The following ENTPD5 variants were observed in gnomAD, a reference collection of about 807,000 sequenced individuals.
The protein encoded by ENTPD5 is ectonucleoside triphosphate diphosphohydrolase 5 (inactive).
A neutral mutation model predicts 60.2 loss-of-function variants in ENTPD5; 49 were observed. The observed-to-expected ratio is 0.81, with a 90% confidence interval of 0.65 to 1.03. The LOEUF (loss-of-function observed/expected upper bound fraction) is 1.03, where lower values mean the gene tolerates loss of function less well. ENTPD5 is among the 50% of genes least tolerant of loss of function. The pLI is 0.00. For missense variants in ENTPD5, 480 were observed against 507.6 expected, an observed-to-expected ratio of 0.95 and a Z score of 0.52; for synonymous variants, 187 against 185.4, an observed-to-expected ratio of 1.01 and a Z score of -0.07.
At chr14:73,984,155 G>A (rs1221931169) in intron 5 of ENTPD5, among the ~76,000 whole-genome samples, 1 of 152,140 alleles carries the variant, frequency 6.6e-6, no homozygotes, top group Non-Finnish European at 1.5e-5. Flanking sequence ...AGCCTCCTGA[G>A]TAGCTGGGAT....
chr14:73,985,928 C>T (rs1049516302), intron 5 of ENTPD5, among the ~76,000 whole-genome samples: 3 of 151,660 alleles, frequency 2.0e-5, no homozygotes, highest in South Asian at 2.1e-4. Context: ...AAAAATTAGC[C>T]GGGCATGGTG....
intron 2 of ENTPD5, among the ~76,000 whole-genome samples, chr14:74,014,546 G>A (rs1387430115): frequency 6.6e-6 from 1 of 151,870 alleles, no homozygotes. Flanking sequence ...GTGAGACCCT[G>A]TCATTCATTA....
rs2056901863 is a variant in ENTPD5, at chr14:73,964,681, TG to T, written c.*2246del. ...GAAACATGGATGACATTTAGTGTTCTGTGACTGGTCTGGCACCCTACTTTTG... is the reference window on the plus strand; with the variant it reads ...GAAACATGGATGACATTTAGTGTTCTTGACTGGTCTGGCACCCTACTTTTG... On this transcript the variant is annotated 3_prime_UTR_variant, in exon 16 of 16. Transcript: ENST00000334696. 1.3e-5 allele frequency: 2 copies of T among 152,226 alleles called. No individual in the cohort carries two copies. The highest frequency in any genetic ancestry group is 4.8e-5 in the African/African-American group (2 of 41,468). 9.4% of individuals were successfully genotyped at this position (152,226 alleles called of 1,614,324 possible).
rs2286413 is a variant in ENTPD5, at chr14:73,977,706, A to G, written c.442-332T>C. Among the ~76,000 whole-genome samples, 15 of 152,314 alleles carry G rather than the reference A, an allele frequency of 9.8e-5. No individual in the cohort carries two copies. The East Asian group carries it at 2.7e-3, about 27-fold the overall frequency. The stretch of plus-strand genomic sequence containing the variant: ...ATCCTGTAACTTTTTAAACCTGATA[A>G]ACTCTACCTGGACATACACTGGAAA... On this transcript the variant is annotated intron_variant, in intron 6 of 15. Coordinates refer to ENST00000334696, the MANE Select transcript of ENTPD5 (RefSeq NM_001249.5).
At chr14:73,989,428 T>C (rs1343890181) in intron 3 of ENTPD5, among the ~76,000 whole-genome samples, 1 of 147,436 alleles carries the variant, frequency 6.8e-6, no homozygotes, top group Non-Finnish European at 1.5e-5. Context: ...CCGGGCGCGG[T>C]GGCTCATGCC....
chr14:73,959,555 T>C (rs1189437273), downstream of ENTPD5: 1 of 1,613,594 alleles, frequency 6.2e-7, no homozygotes, highest in African/African-American at 1.3e-5. Flanking sequence ...GATGATGTGC[T>C]GCAGGGGGAG....
intron 11 of ENTPD5, among the ~76,000 whole-genome samples, chr14:73,974,710 C>A (rs1008052524): frequency 1.3e-5 from 2 of 152,172 alleles, no homozygotes; most frequent in Non-Finnish European, 2.9e-5. Flanking sequence ...AACAAGTAGA[C>A]CTCATTCTAA....
At chr14:74,004,408 C>G (rs2058607578) in intron 3 of ENTPD5, among the ~76,000 whole-genome samples, 1 of 152,172 alleles carries the variant, frequency 6.6e-6, no homozygotes, top group African/African-American at 2.4e-5. Flanking sequence ...GGTGATCCAC[C>G]TGCGTTGGCC....
rs556070303 is a variant in ENTPD5, at chr14:73,980,326, G to A, written c.441+2692C>T. ...GTTGCCCAGGCTGGAGTGCAGTGGC[G>A]TGATCTCGGCTCACTGCAAGCTCCG... On this transcript the variant is annotated intron_variant, in intron 6 of 15. Coordinates refer to ENST00000334696, the MANE Select transcript of ENTPD5 (RefSeq NM_001249.5). Among the ~76,000 whole-genome samples the A allele has an allele frequency of 7.3e-5, 11 of 151,000 alleles. 1 individual carries two copies. Among genetic ancestry groups the A allele is most frequent in the African/African-American group, 2.7e-4 (11 of 41,060 alleles).
chr14:73,955,470 T>C (rs1186604743), downstream of ENTPD5: 6 of 1,614,060 alleles, frequency 3.7e-6, no homozygotes, highest in Non-Finnish European at 5.1e-6. Flanking sequence ...CCTGGGACCA[T>C]ATCTGCAACA....
At chr14:73,967,575 G>A (rs1037445020) in intron 15 of ENTPD5, among the ~76,000 whole-genome samples, 1 of 152,140 alleles carries the variant, frequency 6.6e-6, no homozygotes, top group Non-Finnish European at 1.5e-5. Flanking sequence ...GGGAGGCCAA[G>A]GCAGGTGGAT....
intron 3 of ENTPD5, among the ~76,000 whole-genome samples, chr14:73,989,423 CGCG>C (rs2058041123): frequency 3.4e-5 from 5 of 147,238 alleles, no homozygotes; most frequent in Non-Finnish European, 3.0e-5. Flanking sequence ...TTAGGCCGGG[CGCG>C]GTGGCTCATG....
chr14:73,991,626 A>C (rs1008973607), intron 3 of ENTPD5, among the ~76,000 whole-genome samples: 39 of 50,980 alleles, frequency 7.7e-4, no homozygotes, highest in Middle Eastern at 0.014. Flanking sequence ...AAAAAAAAAA[A>C]CAATTAGGGC....
At chr14:73,956,416 T>G (rs1466929219), downstream of ENTPD5, 1 of 162,750 alleles carries the variant, frequency 6.1e-6, no homozygotes, top group Non-Finnish European at 1.4e-5. Context: ...AATTCTATGT[T>G]TAATATTTTC....
intron 1 of ENTPD5, among the ~76,000 whole-genome samples, chr14:74,018,289 G>T (rs1341682525): frequency 6.6e-6 from 1 of 152,174 alleles, no homozygotes; most frequent in South Asian, 2.1e-4. Flanking sequence ...ACAAGGCGGA[G>T]GGGAGTAATT....
intron 3 of ENTPD5, among the ~76,000 whole-genome samples, chr14:74,006,474 G>A (rs960955107): frequency 1.3e-5 from 2 of 151,766 alleles, no homozygotes; most frequent in East Asian, 1.9e-4. Context: ...TAGCAGAGAC[G>A]GGGTTTCACT....
At chr14:73,991,299 A>C (rs1262101845) in intron 3 of ENTPD5, among the ~76,000 whole-genome samples, 2 of 151,874 alleles carry the variant, frequency 1.3e-5, no homozygotes, top group Admixed American at 1.3e-4. Context: ...CACTGTTTAC[A>C]TTTAGGGGCC....
Position 73,973,902 on chromosome 14 carries a change from T to C in ENTPD5, c.861A>G (p.Lys287=). 6.2e-7 allele frequency: 1 copy of C among 1,614,116 alleles called. No individual in the cohort carries two copies. The highest frequency in any genetic ancestry group is 8.5e-7 in the Non-Finnish European group (1 of 1,180,000). Residue 287 remains lysine, a synonymous_variant, in exon 12 of 16, where the codon AAA becomes AAG. Coordinates refer to ENST00000334696, the MANE Select transcript of ENTPD5 (RefSeq NM_001249.5). ...LEAEWIFGGV[K]YQYGGNQEGE... Reference sequence around the variant, plus strand: ...CTTCTTGGTTGCCACCATACTGGTATTTCACACCCCCAAAGATCCACTCTG... The same window carrying C: ...CTTCTTGGTTGCCACCATACTGGTACTTCACACCCCCAAAGATCCACTCTG...
At chr14:73,970,677 T>A (rs1221967978) in intron 14 of ENTPD5, among the ~76,000 whole-genome samples, 1 of 152,180 alleles carries the variant, frequency 6.6e-6, no homozygotes, top group African/African-American at 2.4e-5. Flanking sequence ...ATTTGCTAAG[T>A]TTCTATGACC....
Sources: allele counts gnomAD v4.1 joint callset (sites outside exome capture counted in the v4.1 genomes callset), GRCh38; gene constraint gnomAD v4.1.1; transcripts MANE v1.5; gene names NCBI Gene and HGNC (gene_info 2026-07-23, HGNC 2026-07-21).